ZNF292: variants seen among roughly 807,000 people sequenced by gnomAD.
ZNF292 encodes 16 zinc-finger domain protein.
A neutral mutation model predicts 217.9 loss-of-function variants in ZNF292; 26 were observed. The ratio of observed to expected loss-of-function variants is 0.12; its 90% CI spans 0.09 to 0.17. The LOEUF is 0.17. Ranked by LOEUF, ZNF292 falls within the 10% of genes least tolerant of loss-of-function variation. ZNF292 has a pLI of 1.00. For synonymous variants in ZNF292, 1,257 were observed against 1,124.1 expected, an observed-to-expected ratio of 1.12 and a Z score of -2.37; for missense variants, 2,904 against 3,175.2, an observed-to-expected ratio of 0.91 and a Z score of 2.05.
At chr6:87,251,591 T>C (rs1192596515) in intron 7 of ZNF292, among the ~76,000 whole-genome samples, 1 of 152,244 alleles carries the variant, frequency 6.6e-6, no homozygotes, top group African/African-American at 2.4e-5. Context: ...CTTGTGCTAT[T>C]AGTATTTGTG....
chr6:87,165,528 A>G (rs1770884979), intron 1 of ZNF292, among the ~76,000 whole-genome samples: 1 of 152,178 alleles, frequency 6.6e-6, no homozygotes, highest in Non-Finnish European at 1.5e-5. Context: ...TATGTGTGGC[A>G]CATTCAGTTT....
At chr6:87,232,304 A>G (rs1035617868) in intron 4 of ZNF292, among the ~76,000 whole-genome samples, 1 of 152,118 alleles carries the variant, frequency 6.6e-6, no homozygotes, top group Admixed American at 6.5e-5. Flanking sequence ...GAAACAAAGG[A>G]TATTACAAGA....
At chr6:87,156,222 G>T (rs1770533132) in intron 1 of ZNF292, among the ~76,000 whole-genome samples, 1 of 152,052 alleles carries the variant, frequency 6.6e-6, no homozygotes, top group Admixed American at 6.5e-5. Flanking sequence ...GCTTTCATCC[G>T]TCCCGCCCCC....
intron 7 of ZNF292, 143 bp downstream of exon 7, chr6:87,245,787 T>G (rs1774547115): frequency 1.8e-6 from 1 of 566,044 alleles, no homozygotes. Context: ...TGTTAGTCCT[T>G]TAAGATATTT....
In ZNF292 at chr6:87,255,654, A is replaced by G. The variant is rs755720875; in HGVS notation, c.2025A>G (p.Pro675=). 1.9e-6 allele frequency: 3 copies of G among 1,613,144 alleles called. No individual in the cohort carries two copies. The highest frequency in any genetic ancestry group is 1.3e-5 in the African/African-American group (1 of 74,932). Residue 675 remains proline (P), a synonymous_variant, in exon 8 of 8, where the codon CCA becomes CCG. Transcript: ENST00000369577. ...YEPEVIPVQK[P]VPVNEFNCPV... ...CAGAAGTGATTCCAGTCCAGAAACC[A>G]GTACCTGTTAATGAATTTAATTGCC...
rs1775785143 is a variant in ZNF292 at position 87,265,772 on chromosome 6, G to A, written c.*3971G>A. 6.6e-6 allele frequency among the ~76,000 whole-genome samples: 1 copy of A among 152,182 alleles called. No individual in the cohort carries two copies. Among genetic ancestry groups the A allele is most frequent in the Non-Finnish European group, 1.5e-5 (1 of 68,032 alleles). ...GTACACCAATTCAATTGTATCAGCT[G>A]TTTGCAAATGGTGATTATTCTGATT... On this transcript the variant is annotated 3_prime_UTR_variant, in exon 8 of 8. Transcript: ENST00000369577.
intron 1 of ZNF292, among the ~76,000 whole-genome samples, chr6:87,157,908 G>A (rs1350079681): frequency 1.3e-5 from 2 of 152,104 alleles, no homozygotes; most frequent in Non-Finnish European, 2.9e-5. Flanking sequence ...ATGTCGGCCA[G>A]GCTGGTCTCG....
chr6:87,228,539 T>G (rs1773482815), intron 4 of ZNF292, among the ~76,000 whole-genome samples: 1 of 152,224 alleles, frequency 6.6e-6, no homozygotes, highest in Non-Finnish European at 1.5e-5. Flanking sequence ...CTATGGTTTC[T>G]TCTACGAGTT....
At chr6:87,189,414 A>G (rs1771763450) in intron 1 of ZNF292, among the ~76,000 whole-genome samples, 1 of 151,960 alleles carries the variant, frequency 6.6e-6, no homozygotes, top group Non-Finnish European at 1.5e-5. Context: ...ATTATTAACT[A>G]AGTCCATACT....
At position 87,233,286 on chromosome 6, in the gene ZNF292, A is replaced by G. The variant is rs528820239; in HGVS notation, c.539-39A>G. On this transcript the variant is annotated intron_variant, in intron 4 of 7. Transcript: ENST00000369577. ...GTGTTGGTATTGCAAATGAATTATT[A>G]CCAAATGTTAATAATCTATTATGTC... The G allele has an allele frequency of 3.5e-6, 5 of 1,435,766 alleles. No homozygotes were observed. The African/African-American group carries it at 7.1e-5, about 20-fold the overall frequency. 88.9% of individuals were successfully genotyped at this position (1,435,766 alleles called of 1,614,324 possible).
intron 4 of ZNF292, among the ~76,000 whole-genome samples, chr6:87,232,405 G>A (rs1022832154): frequency 6.6e-6 from 1 of 152,062 alleles, no homozygotes; most frequent in Non-Finnish European, 1.5e-5. Flanking sequence ...AGAAGATACT[G>A]TGTTTTATTC....
At chr6:87,169,756 C>G (rs758540428) in intron 1 of ZNF292, 3 of 426,294 alleles carry the variant, frequency 7.0e-6, no homozygotes, top group South Asian at 4.9e-5. Context: ...AAGTGATCCT[C>G]CCACCTCAGC....
In ZNF292 at chr6:87,261,053, A is replaced by C. The variant is rs757732579; in HGVS notation, c.7424A>C (p.Lys2475Thr). 1 of 1,604,526 alleles carries C rather than the reference A, an allele frequency of 6.2e-7. No homozygotes were observed. ...ACAGTTTCACAAAAGGAAGTTGAAA[A>C]AAATGAAAAAGATGAAATGGATGAA... The part of the protein sequence containing the change: ...TATVSQKEVE[K>T]NEKDEMDELT... The change falls in exon 8 of 8, where the codon AAA (lysine) becomes ACA (threonine). Residue 2475 changes from lysine to threonine, a missense_variant. Coordinates refer to ENST00000369577, the MANE Select transcript of ZNF292 (RefSeq NM_015021.3).
chr6:87,187,423 A>G (rs970331787), intron 1 of ZNF292, among the ~76,000 whole-genome samples: 1 of 152,052 alleles, frequency 6.6e-6, no homozygotes, highest in African/African-American at 2.4e-5. Context: ...TCTGTGGTCA[A>G]ATGTTTGATA....
At chr6:87,235,334 C>T (rs1346712206) in intron 5 of ZNF292, among the ~76,000 whole-genome samples, 1 of 152,018 alleles carries the variant, frequency 6.6e-6, no homozygotes, top group East Asian at 1.9e-4. Context: ...CAGTCCCTGC[C>T]CTTAAGGTTC....
intron 7 of ZNF292, 84 bp downstream of exon 7, chr6:87,245,728 C>T: frequency 1.1e-6 from 1 of 908,750 alleles, no homozygotes; most frequent in Non-Finnish European, 1.5e-6. Flanking sequence ...TTTTGGCTCC[C>T]TTTTCAGTGA....
chr6:87,203,369 C>G (rs1425343006), intron 1 of ZNF292, among the ~76,000 whole-genome samples: 1 of 151,848 alleles, frequency 6.6e-6, no homozygotes, highest in Non-Finnish European at 1.5e-5. Context: ...TCTTGGACTT[C>G]TGAGCTTAAG....
chr6:87,238,664 ATTTC>A (rs1774026172), intron 5 of ZNF292, among the ~76,000 whole-genome samples: 9 of 121,766 alleles, frequency 7.4e-5, no homozygotes, highest in Non-Finnish European at 5.4e-5. Context: ...TTATTTTTTT[ATTTC>A]TTTTTGGTTT....
At chr6:87,200,246 T>C (rs1006832529) in intron 1 of ZNF292, among the ~76,000 whole-genome samples, 1 of 152,228 alleles carries the variant, frequency 6.6e-6, no homozygotes, top group Non-Finnish European at 1.5e-5. Context: ...TGCTTGACTA[T>C]GGGAGTCACA....
Sources: allele counts gnomAD v4.1 joint callset (sites outside exome capture counted in the v4.1 genomes callset), GRCh38; gene constraint gnomAD v4.1.1; transcripts MANE v1.5; gene names NCBI Gene and HGNC (gene_info 2026-07-23, HGNC 2026-07-21).